Variants in UFL1 observed in about 807,000 individuals in gnomAD.
UFL1 encodes the protein UFM1 specific ligase 1.
A neutral mutation model predicts 99.3 loss-of-function variants in UFL1; 78 were observed. That is an observed-to-expected ratio of 0.79 (90% CI 0.65 to 0.95). The LOEUF is 0.95. UFL1 is among the 40% of genes least tolerant of loss of function. UFL1 has a pLI of 0.00. For synonymous variants in UFL1, 335 were observed against 322.2 expected, an observed-to-expected ratio of 1.04 and a Z score of -0.42; for missense variants, 936 against 937.0, an observed-to-expected ratio of 1.00 and a Z score of 0.01.
chr6:96,548,090 T>C (rs1321828742), intron 12 of UFL1, 74 bp from the exon 13 acceptor site: 2 of 903,198 alleles, frequency 2.2e-6, no homozygotes, highest in African/African-American at 3.5e-5. Context: ...AATATAGTAA[T>C]GGAGCCCTAT....
Position 96,528,612 on chromosome 6 carries a change from A to T in UFL1, c.576A>T (p.Gly192=). ...FVARHKARIR[G]LFSAITRPTA... ...CTCGACATAAAGCACGTATCCGTGG[A>T]CTATTCAGTGCTATTACCCGGTAAG... The change falls in exon 6 of 19, where the codon GGA becomes GGT. Residue 192 remains glycine (G), a synonymous_variant. Transcript: ENST00000369278. 1.9e-6 allele frequency: 3 copies of T among 1,613,742 alleles called. No individual in the cohort carries two copies. Among genetic ancestry groups the T allele is most frequent in the Non-Finnish European group, 2.5e-6 (3 of 1,179,760 alleles).
Position 96,554,078 on chromosome 6 carries a change from A to G in UFL1, c.*575A>G, listed in dbSNP as rs1239071341. The G allele has an allele frequency of 6.6e-6, 1 of 152,410 alleles. No homozygotes were observed. Among genetic ancestry groups the G allele is most frequent in the Non-Finnish European group, 1.5e-5 (1 of 68,212 alleles). The allele number at this position is 152,410 out of a possible 1,614,324, so 9.4% of individuals were successfully genotyped here. A position where few individuals can be genotyped will look rare whatever the true frequency, so the allele number is the denominator to read the frequency against. ...AAGCCCTTGCTCTTATTTTTGGCAG[A>G]ATAAACATTGATTTTGGTTGGGGCT... On this transcript the variant is annotated 3_prime_UTR_variant, in exon 19 of 19. Coordinates refer to ENST00000369278, the MANE Select transcript of UFL1 (RefSeq NM_015323.5).
chr6:96,545,461 T>C lies in UFL1; in HGVS notation c.1402+2445T>C, dbSNP rs550883177. Among the ~76,000 whole-genome samples, 4 of 151,144 alleles carry C rather than the reference T, an allele frequency of 2.6e-5. No homozygotes were observed. In the South Asian group the frequency reaches 8.3e-4, roughly 31 times the overall value. On this transcript the variant is annotated intron_variant, in intron 12 of 18. Transcript: ENST00000369278. The stretch of plus-strand genomic sequence containing the variant: ...AGAGCAAAAATAAATTATAGAATTC[T>C]GAGATTTTTTTTTAATCTATGCCTT...
Position 96,536,232 on chromosome 6 carries a change from G to A in UFL1, c.656-12G>A. Reference sequence around the variant, plus strand: ...GTCTGATTTATTTGTATTCATGTGGGTTTGTTTTAAGCTGTGCTTGAGGAA... The same window carrying A: ...GTCTGATTTATTTGTATTCATGTGGATTTGTTTTAAGCTGTGCTTGAGGAA... On this transcript the variant is annotated splice_polypyrimidine_tract_variant and intron_variant, in intron 7 of 18. Transcript: ENST00000369278. 1 of 1,601,952 alleles carries A rather than the reference G, an allele frequency of 6.2e-7. No individual in the cohort carries two copies. Among genetic ancestry groups the A allele is most frequent in the Non-Finnish European group, 8.5e-7 (1 of 1,172,062 alleles).
chr6:96,534,205 A>G (rs2127950447), intron 6 of UFL1, 58 bp from the exon 7 acceptor site: 1 of 1,113,860 alleles, frequency 9.0e-7, no homozygotes, highest in Non-Finnish European at 1.2e-6. Flanking sequence ...TTTTAAGTTC[A>G]TTAATCTATA....
intron 6 of UFL1, among the ~76,000 whole-genome samples, chr6:96,530,334 G>C (rs188498038): frequency 2.0e-5 from 3 of 152,258 alleles, no homozygotes; most frequent in African/African-American, 7.2e-5. Flanking sequence ...CAGGTTATGT[G>C]TCTTTTGATA....
intron 15 of UFL1, 56 bp from the exon 16 acceptor site, chr6:96,551,377 A>T: frequency 2.2e-6 from 2 of 911,062 alleles, no homozygotes; most frequent in South Asian, 1.6e-5. Flanking sequence ...ACTTTATCTT[A>T]TATCCATTGC....
intron 17 of UFL1, 88 bp from the exon 18 acceptor site, chr6:96,552,394 C>G: frequency 7.2e-7 from 1 of 1,380,648 alleles, no homozygotes; most frequent in Non-Finnish European, 9.5e-7. Flanking sequence ...ACTAGAGAAG[C>G]TAAAAATTAA....
chr6:96,548,059 G>A (rs915321259), intron 12 of UFL1, 105 bp from the exon 13 acceptor site: 15 of 701,638 alleles, frequency 2.1e-5, no homozygotes, highest in Middle Eastern at 2.7e-4. Context: ...ATTGAGTAAT[G>A]AATGAATTAT....
chr6:96,535,921 G>A (rs183155384), intron 7 of UFL1, among the ~76,000 whole-genome samples: 2 of 152,062 alleles, frequency 1.3e-5, no homozygotes, highest in Non-Finnish European at 2.9e-5. Flanking sequence ...AGTAAATTAT[G>A]AGATAGATAA....
intron 9 of UFL1, among the ~76,000 whole-genome samples, chr6:96,537,909 T>C (rs1769875827): frequency 6.6e-6 from 1 of 151,916 alleles, no homozygotes; most frequent in South Asian, 2.1e-4. Flanking sequence ...TCTCTGCTAA[T>C]GTATTAACAC....
chr6:96,549,950 A>G (rs1205466303), intron 15 of UFL1, 151 bp downstream of exon 15: 2 of 971,280 alleles, frequency 2.1e-6, no homozygotes, highest in Admixed American at 5.9e-5. Flanking sequence ...CAACTTTAGT[A>G]CTATATATAC....
At chr6:96,538,905 C>A in intron 10 of UFL1, 95 bp downstream of exon 10, 1 of 1,052,612 alleles carries the variant, frequency 9.5e-7, no homozygotes, top group Non-Finnish European at 1.3e-6. Context: ...TGAAAGTGAA[C>A]ACTTTGTATC....
At chr6:96,532,380 C>G (rs2127950071) in intron 6 of UFL1, among the ~76,000 whole-genome samples, 1 of 152,248 alleles carries the variant, frequency 6.6e-6, no homozygotes, top group Non-Finnish European at 1.5e-5. Flanking sequence ...GGACCTAGAC[C>G]TTGTTGGTTT....
Position 96,523,238 on chromosome 6 carries a change from T to C in UFL1, c.170T>C (p.Ile57Thr), listed in dbSNP as rs1769649769. ...VVHTLDGKEY[I>T]TPAQISKEMR... The stretch of plus-strand genomic sequence containing the variant: ...CATACACTCGATGGAAAGGAATATA[T>C]TACTCCAGCCCAAATTAGTAAAGAA... Residue 57 changes from isoleucine to threonine, a missense_variant, in exon 2 of 19, where the codon ATT becomes ACT. Physicochemically the swap from Ile to Thr is moderately conservative, Grantham distance 89 (BLOSUM62 -1). Coordinates refer to ENST00000369278, the MANE Select transcript of UFL1 (RefSeq NM_015323.5). The C allele has an allele frequency of 6.2e-7, 1 of 1,612,844 alleles. No homozygotes were observed. The highest frequency in any genetic ancestry group is 1.7e-5 in the Admixed American group (1 of 59,862).
At chr6:96,522,035 C>G in intron 1 of UFL1, 85 bp downstream of exon 1, 1 of 1,438,550 alleles carries the variant, frequency 7.0e-7, no homozygotes, top group Non-Finnish European at 9.5e-7. Context: ...ACCCGCGGCC[C>G]TGCATCCCGG....
rs140455832 is a variant in UFL1, at chr6:96,552,572, G to A, written c.2076G>A (p.Leu692=). The A allele has an allele frequency of 2.5e-6, 4 of 1,612,842 alleles. No individual in the cohort carries two copies. The highest frequency in any genetic ancestry group is 2.5e-6 in the Non-Finnish European group (3 of 1,179,674). The change falls in exon 18 of 19, where the codon CTG becomes CTA. Residue 692 remains leucine, a synonymous_variant. Coordinates refer to ENST00000369278, the MANE Select transcript of UFL1 (RefSeq NM_015323.5). ...TTATTCTGCACCTCACATCAGTCCT[G>A]TTGTTTCAGTTTTCAACCCACAGCA... ...PALILHLTSV[L]LFQFSTHSML...
intron 12 of UFL1, 105 bp downstream of exon 12, chr6:96,543,121 A>G: frequency 7.3e-7 from 1 of 1,366,978 alleles, no homozygotes; most frequent in Non-Finnish European, 9.8e-7. Context: ...GGAAGTCCTT[A>G]TTTTGCAGTG....
intron 6 of UFL1, among the ~76,000 whole-genome samples, chr6:96,529,786 C>T (rs781538179): frequency 6.6e-6 from 1 of 152,114 alleles, no homozygotes; most frequent in Non-Finnish European, 1.5e-5. Flanking sequence ...TTGTTGAGCA[C>T]CTAATGCATG....
Sources: allele counts gnomAD v4.1 joint callset (sites outside exome capture counted in the v4.1 genomes callset), GRCh38; gene constraint gnomAD v4.1.1; transcripts MANE v1.5; gene names NCBI Gene and HGNC (gene_info 2026-07-23, HGNC 2026-07-21).